Variants in DUSP8 observed in about 807,000 individuals in gnomAD.
DUSP8 encodes the protein dual specificity protein phosphatase 8.
In DUSP8, 15 loss-of-function variants were observed where a neutral mutation model predicts 38.7. The ratio of observed to expected loss-of-function variants is 0.39; its 90% CI spans 0.26 to 0.60. DUSP8 has a LOEUF of 0.60. Ranked by LOEUF, DUSP8 falls within the 20% of genes least tolerant of loss-of-function variation. The pLI is 0.56. For missense variants in DUSP8, 768 were observed against 915.0 expected (o/e 0.84, Z 2.07); for synonymous variants, 458 against 433.9 (o/e 1.06, Z -0.69).
chr11:1,555,347 C>T lies in DUSP8; in HGVS notation c.*1171G>A. 2.0e-6 allele frequency: 2 copies of T among 987,756 alleles called. No individual in the cohort carries two copies. Among genetic ancestry groups the T allele is most frequent in the Non-Finnish European group, 2.4e-6 (2 of 830,182 alleles). The allele number at this position is 987,756 out of a possible 1,614,324, so 61.2% of individuals were successfully genotyped here. A position where few individuals can be genotyped will look rare whatever the true frequency, so the allele number is the denominator to read the frequency against. On this transcript the variant is annotated 3_prime_UTR_variant, in exon 7 of 7. Coordinates refer to ENST00000397374, the MANE Select transcript of DUSP8 (RefSeq NM_004420.3). ...CTTTACCTGTCTTGAGGCAGTGCTC[C>T]CTAAGTGAAGCAGGCCTATCCCAGC...
In DUSP8 at chr11:1,556,723, C is replaced by CGCCGCAGGTCGCT; in HGVS notation, c.1660_1672dup (p.Arg558GlnfsTer12). Reference sequence around the variant, plus strand: ...GGGCTCAGCCCTCGCTGCCTCCCGCCGCCGCAGGTCGCTGCCGCCGCCTGG... The same window carrying CGCCGCAGGTCGCT: ...GGGCTCAGCCCTCGCTGCCTCCCGCCGCCGCAGGTCGCTGCCGCAGGTCGCTGCCGCCGCCTGG... On this transcript the variant is annotated frameshift_variant, in exon 7 of 7. Coordinates refer to ENST00000397374, the MANE Select transcript of DUSP8 (RefSeq NM_004420.3). LOFTEE classifies it high-confidence loss of function. The surrounding 1 kb of genome is among the most constrained non-coding windows in gnomAD (Gnocchi z 5.2). 8.1e-7 allele frequency: 1 copy of CGCCGCAGGTCGCT among 1,232,554 alleles called. No individual in the cohort carries two copies. The highest frequency in any genetic ancestry group is 1.0e-6 in the Non-Finnish European group (1 of 987,962). 76.4% of individuals were successfully genotyped at this position (1,232,554 alleles called of 1,614,324 possible).
At chr11:1,561,241 C>G (rs1848712383) in intron 3 of DUSP8, among the ~76,000 whole-genome samples, 1 of 152,162 alleles carries the variant, frequency 6.6e-6, no homozygotes, top group Admixed American at 6.5e-5. Context: ...CTCCCTGACT[C>G]GGGGGTTTCT....
At chr11:1,564,601 C>T (rs924057181) in intron 2 of DUSP8, among the ~76,000 whole-genome samples, 13 of 152,188 alleles carry the variant, frequency 8.5e-5, no homozygotes, top group African/African-American at 2.7e-4. Context: ...AGATGTTGAG[C>T]GGCTTTTGCT....
At position 1,558,841 on chromosome 11, in the gene DUSP8, C is replaced by A. The variant is rs1381870528; in HGVS notation, c.537+48G>T. Reference sequence around the variant, plus strand: ...CCGCTGCCAAGCTGCTTCTGGAGCTCCTGCCCCTTTCCCATTGACCACCCC... The same window carrying A: ...CCGCTGCCAAGCTGCTTCTGGAGCTACTGCCCCTTTCCCATTGACCACCCC... On this transcript the variant is annotated intron_variant, in intron 4 of 6. Coordinates refer to ENST00000397374, the MANE Select transcript of DUSP8 (RefSeq NM_004420.3). The surrounding 1 kb of genome is among the most constrained non-coding windows in gnomAD (Gnocchi z 6.3). 6.4e-7 allele frequency: 1 copy of A among 1,561,746 alleles called. No homozygotes were observed. Among genetic ancestry groups the A allele is most frequent in the Admixed American group, 1.9e-5 (1 of 53,604 alleles).
chr11:1,563,623 C>T (rs529535616), intron 3 of DUSP8, among the ~76,000 whole-genome samples: 4 of 152,294 alleles, frequency 2.6e-5, no homozygotes, highest in African/African-American at 9.6e-5. Context: ...TTGCCCTACA[C>T]CTCTGGAGCC....
rs1443321597 is a variant in DUSP8, at chr11:1,557,493, C to T, written c.903G>A (p.Lys301=). 1.9e-6 allele frequency: 3 copies of T among 1,581,932 alleles called. No individual in the cohort carries two copies. The highest frequency in any genetic ancestry group is 2.6e-6 in the Non-Finnish European group (3 of 1,173,206). The change falls in exon 7 of 7, where the codon AAG becomes AAA. Residue 301 remains lysine (K), a synonymous_variant. Transcript: ENST00000397374. The surrounding 1 kb of genome is among the most constrained non-coding windows in gnomAD (Gnocchi z 9.9). ...GQLLEYERSL[K]LLAALQGDPG... is the part of the protein sequence containing the mutation. ...GGTCGCCCTGCAGGGCGGCCAGCAG[C>T]TTCAGGCTGCGCTCGTACTCCAGCA...
intron 1 of DUSP8, among the ~76,000 whole-genome samples, chr11:1,569,154 A>G (rs1021622089): frequency 3.3e-5 from 5 of 152,060 alleles, no homozygotes; most frequent in Admixed American, 6.5e-5. Flanking sequence ...TCCAGTGCCT[A>G]GGGGTTGGGG....
chr11:1,563,522 C>T (rs1049046120), intron 3 of DUSP8, among the ~76,000 whole-genome samples: 1 of 152,144 alleles, frequency 6.6e-6, no homozygotes, highest in Non-Finnish European at 1.5e-5. Context: ...CGGGACCCCA[C>T]GGCTCCAACT....
Position 1,557,262 on chromosome 11 carries a change from G to A in DUSP8, c.1134C>T (p.His378=), listed in dbSNP as rs1233768574. The A allele has an allele frequency of 1.3e-6, 2 of 1,491,862 alleles. No individual in the cohort carries two copies. The highest frequency in any genetic ancestry group is 1.3e-5 in the South Asian group (1 of 79,450). 92.4% of individuals were successfully genotyped at this position (1,491,862 alleles called of 1,614,324 possible). Residue 378 remains histidine (H), a synonymous_variant, in exon 7 of 7, where the codon CAC becomes CAT. Transcript: ENST00000397374. The surrounding 1 kb of genome is among the most constrained non-coding windows in gnomAD (Gnocchi z 9.9). The part of the protein sequence containing the change: ...SALQQGLRGL[H]LSSDRLQDTN... Reference sequence around the variant, plus strand: ...TGTCCTGCAGGCGGTCCGAGGAGAGGTGCAGGCCGCGCAGGCCCTGCTGCA... The same window carrying A: ...TGTCCTGCAGGCGGTCCGAGGAGAGATGCAGGCCGCGCAGGCCCTGCTGCA...
In DUSP8 at chr11:1,556,719, C is replaced by T. The variant is rs575982845; in HGVS notation, c.1677G>A (p.Arg559=). Residue 559 remains arginine (R), a synonymous_variant, in exon 7 of 7, where the codon CGG becomes CGA. Coordinates refer to ENST00000397374, the MANE Select transcript of DUSP8 (RefSeq NM_004420.3). The surrounding 1 kb of genome is among the most constrained non-coding windows in gnomAD (Gnocchi z 5.2). Reference sequence around the variant, plus strand: ...CCCGGGGCTCAGCCCTCGCTGCCTCCCGCCGCCGCAGGTCGCTGCCGCCGC... The same window carrying T: ...CCCGGGGCTCAGCCCTCGCTGCCTCTCGCCGCCGCAGGTCGCTGCCGCCGC... The part of the protein sequence containing the change: ...GPGGGSDLRR[R]EAARAEPRDA... The T allele has an allele frequency of 1.4e-4, 173 of 1,236,476 alleles. No individual in the cohort carries two copies. The highest frequency in any genetic ancestry group is 1.7e-4 in the Non-Finnish European group (169 of 990,174). 76.6% of individuals were successfully genotyped at this position (1,236,476 alleles called of 1,614,324 possible).
At position 1,557,458 on chromosome 11, in the gene DUSP8, G is replaced by A. The variant is rs974090448; in HGVS notation, c.938C>T (p.Pro313Leu). The A allele has an allele frequency of 8.3e-6, 13 of 1,563,404 alleles. No homozygotes were observed. In the African/African-American group the frequency reaches 1.2e-4, roughly 15 times the overall value. Residue 313 changes from proline to leucine, a missense_variant, in exon 7 of 7, where the codon CCC (proline) becomes CTC (leucine). Physicochemically the swap from Pro to Leu is moderately conservative, Grantham distance 98. This residue lies in a region of DUSP8 where 474 missense variants were observed against 430.8 expected (regional missense o/e 1.10). Transcript: ENST00000397374. This position sits in a 1 kb window ranked among gnomAD's most constrained non-coding sequence, Gnocchi z 9.9. ...GGGCGGAGGCTCCGGCGTCCCTGAGGGGGTGCCCGGGTCGCCCTGCAGGGC... is the reference window on the plus strand; with the variant it reads ...GGGCGGAGGCTCCGGCGTCCCTGAGAGGGTGCCCGGGTCGCCCTGCAGGGC... ...LAALQGDPGT[P>L]SGTPEPPPSP... is the part of the protein sequence containing the mutation.
At position 1,556,938 on chromosome 11, in the gene DUSP8, G is replaced by A. The variant is rs1395971260; in HGVS notation, c.1458C>T (p.His486=). The A allele has an allele frequency of 3.7e-6, 4 of 1,076,502 alleles. No individual in the cohort carries two copies. The highest frequency in any genetic ancestry group is 4.5e-6 in the Non-Finnish European group (4 of 889,956). 66.7% of individuals were successfully genotyped at this position (1,076,502 alleles called of 1,614,324 possible). A position where few individuals can be genotyped will look rare whatever the true frequency, so the allele number is the denominator to read the frequency against. ...FGDAARQTPR[H]GLSALSAPGL... is the part of the protein sequence containing the mutation. ...CGGGCGCCGACAGGGCCGAGAGGCC[G>A]TGCCGCGGAGTCTGCCGGGCCGCAT... Residue 486 remains histidine, a synonymous_variant, in exon 7 of 7, where the codon CAC becomes CAT. Transcript: ENST00000397374. The surrounding 1 kb of genome is among the most constrained non-coding windows in gnomAD (Gnocchi z 5.2).
At position 1,561,846 on chromosome 11, in the gene DUSP8, T is replaced by G. The variant is rs543294477; in HGVS notation, c.370+2005A>C. Among the ~76,000 whole-genome samples, 98 of 151,916 alleles carry G rather than the reference T, an allele frequency of 6.5e-4. 1 individual carries two copies. Among genetic ancestry groups the G allele is most frequent in the African/African-American group, 2.2e-3 (93 of 41,426 alleles). ...ATATATTCTTTCCCACTCTCCCTGGTTCTTCGCAGAGCCAGCCCAGAGCAG... is the reference window on the plus strand; with the variant it reads ...ATATATTCTTTCCCACTCTCCCTGGGTCTTCGCAGAGCCAGCCCAGAGCAG... On this transcript the variant is annotated intron_variant, in intron 3 of 6. Coordinates refer to ENST00000397374, the MANE Select transcript of DUSP8 (RefSeq NM_004420.3).
chr11:1,566,798 T>C (rs1484921110), intron 1 of DUSP8, among the ~76,000 whole-genome samples: 1 of 152,038 alleles, frequency 6.6e-6, no homozygotes, highest in Non-Finnish European at 1.5e-5. Context: ...ACCCCGCAGG[T>C]GCCAGGCCCT....
chr11:1,564,074 T>A lies in DUSP8; in HGVS notation c.232-85A>T, dbSNP rs912608209. 7 of 1,350,880 alleles carry A rather than the reference T, an allele frequency of 5.2e-6. No homozygotes were observed. The African/African-American group carries it at 9.0e-5, about 17-fold the overall frequency. The allele number at this position is 1,350,880 out of a possible 1,614,324, so 83.7% of individuals were successfully genotyped here. On this transcript the variant is annotated intron_variant, in intron 2 of 6. Coordinates refer to ENST00000397374, the MANE Select transcript of DUSP8 (RefSeq NM_004420.3). ...TCCCAGATATGCTGGCTCAAGGGAA[T>A]AGTAAGGGCATCAGATGATGGGAGG... is the stretch of plus-strand genomic sequence containing the variant.
At chr11:1,570,714 T>C (rs1351009166) in intron 1 of DUSP8, among the ~76,000 whole-genome samples, 1 of 152,170 alleles carries the variant, frequency 6.6e-6, no homozygotes, top group Non-Finnish European at 1.5e-5. Context: ...GGTCACATGA[T>C]CTGCCATCCG....
At chr11:1,559,507 C>T (rs115069475) in intron 3 of DUSP8, 1,685 of 160,942 alleles carry the variant, frequency 0.01, 25 homozygotes, top group African/African-American at 0.037. Context: ...CCAGGCTGGG[C>T]CTTCCTCCTC....
intron 1 of DUSP8, 74 bp downstream of exon 1, chr11:1,571,827 C>A: frequency 6.7e-6 from 1 of 148,520 alleles, no homozygotes; most frequent in South Asian, 2.0e-4. Context: ...GACGCGGCGC[C>A]CTCCGCCCCC....
rs1437653685 is a variant in DUSP8, at chr11:1,572,120, T to C, written c.-328A>G. ...GCGCACTGCGGGCGGGCACGCGCGC[T>C]CGCGGCGCGCATCCCAGCCCCGCGG... is the stretch of plus-strand genomic sequence containing the variant. On this transcript the variant is annotated 5_prime_UTR_variant, in exon 1 of 7. Coordinates refer to ENST00000397374, the MANE Select transcript of DUSP8 (RefSeq NM_004420.3). This position sits in a 1 kb window ranked among gnomAD's most constrained non-coding sequence, Gnocchi z 4.7. 6.9e-6 allele frequency among the ~76,000 whole-genome samples: 1 copy of C among 144,458 alleles called. No individual in the cohort carries two copies. Among genetic ancestry groups the C allele is most frequent in the Non-Finnish European group, 1.5e-5 (1 of 65,404 alleles). 94.8% of individuals were successfully genotyped at this position (144,458 alleles called of 152,430 possible). A position where few individuals can be genotyped will look rare whatever the true frequency, so the allele number is the denominator to read the frequency against.
Sources: allele counts gnomAD v4.1 joint callset (sites outside exome capture counted in the v4.1 genomes callset), GRCh38; gene constraint gnomAD v4.1.1; regional missense constraint gnomAD v4.1.1; non-coding constraint Gnocchi (gnomAD v3.1); transcripts MANE v1.5; gene names NCBI Gene and HGNC (gene_info 2026-07-23, HGNC 2026-07-21).